The following TNIP3 variants were observed in gnomAD, a reference collection of about 807,000 sequenced individuals.
TNIP3 encodes the protein TNFAIP3 interacting protein 3.
TNIP3 carries 34 observed loss-of-function variants against 54.1 expected under a neutral mutation model. The ratio of observed to expected loss-of-function variants is 0.63; its 90% CI spans 0.48 to 0.84. The LOEUF (loss-of-function observed/expected upper bound fraction) is 0.84. TNIP3 is among the 40% of genes least tolerant of loss of function. The pLI is 0.00. For synonymous variants in TNIP3, 134 were observed against 136.8 expected (o/e 0.98, Z 0.14); for missense variants, 366 against 387.6 (o/e 0.94, Z 0.47).
At position 121,204,608 on chromosome 4, in the gene TNIP3, A is replaced by C. The variant is rs76950261; in HGVS notation, c.68+11807T>G. On this transcript the variant is annotated intron_variant, in intron 2 of 12. Transcript: ENST00000507879. The stretch of plus-strand genomic sequence containing the variant: ...ATCATTTCTCTATGATGGAATAGCA[A>C]GTTGTTTCTAATTACTTTTTCTTCT... Among the ~76,000 whole-genome samples the C allele has an allele frequency of 4.4e-3, 672 of 152,270 alleles. 6 individuals carry two copies. The highest frequency in any genetic ancestry group is 7.8e-3 in the Non-Finnish European group (533 of 68,012).
At chr4:121,155,833 A>G (rs553099161) in intron 4 of TNIP3, among the ~76,000 whole-genome samples, 1 of 152,352 alleles carries the variant, frequency 6.6e-6, no homozygotes, top group South Asian at 2.1e-4. Context: ...ATATTTCCCA[A>G]TATGATTATT....
chr4:121,209,045 G>T (rs1445801670), intron 2 of TNIP3, among the ~76,000 whole-genome samples: 3 of 152,166 alleles, frequency 2.0e-5, no homozygotes, highest in Non-Finnish European at 4.4e-5. Flanking sequence ...TGTCTACTGG[G>T]TTCTGTATGG....
intron 2 of TNIP3, among the ~76,000 whole-genome samples, chr4:121,195,553 C>T (rs1288189876): frequency 6.6e-6 from 1 of 152,130 alleles, no homozygotes; most frequent in Non-Finnish European, 1.5e-5. Context: ...CAATCGAATT[C>T]AGATGGGAAT....
At chr4:121,202,300 AC>A (rs1725936220) in intron 2 of TNIP3, among the ~76,000 whole-genome samples, 1 of 152,152 alleles carries the variant, frequency 6.6e-6, no homozygotes, top group Non-Finnish European at 1.5e-5. Flanking sequence ...GCAAACAAAA[AC>A]ATAAAGTGGG....
chr4:121,159,434 T>C (rs570117061), intron 2 of TNIP3, among the ~76,000 whole-genome samples: 1 of 152,364 alleles, frequency 6.6e-6, no homozygotes, highest in African/African-American at 2.4e-5. Context: ...GTCTGTAAGA[T>C]TTCTTAATGC....
At chr4:121,200,177 C>T (rs1320281478) in intron 2 of TNIP3, among the ~76,000 whole-genome samples, 2 of 152,122 alleles carry the variant, frequency 1.3e-5, no homozygotes, top group East Asian at 3.9e-4. Context: ...GGAGCTTCCT[C>T]TTGCCTTGGT....
chr4:121,215,219 A>G (rs1299829472), intron 2 of TNIP3, among the ~76,000 whole-genome samples: 1 of 152,156 alleles, frequency 6.6e-6, no homozygotes, highest in Non-Finnish European at 1.5e-5. Flanking sequence ...GAAAGTACAG[A>G]TGGGCCTCTT....
intron 2 of TNIP3, among the ~76,000 whole-genome samples, chr4:121,203,073 T>C (rs1163310777): frequency 1.3e-5 from 2 of 152,128 alleles, no homozygotes; most frequent in African/African-American, 4.8e-5. Context: ...ATCCTACTAA[T>C]GGATATCTAC....
intron 1 of TNIP3, among the ~76,000 whole-genome samples, chr4:121,225,197 T>C (rs991491378): frequency 6.6e-5 from 10 of 152,220 alleles, no homozygotes; most frequent in Non-Finnish European, 1.2e-4. Context: ...CAATGATCCA[T>C]TAACTATGTA....
chr4:121,138,059 T>G (rs558120435), intron 10 of TNIP3: 1 of 446,340 alleles, frequency 2.2e-6, no homozygotes, highest in East Asian at 7.0e-5. Flanking sequence ...AAAATAAGAT[T>G]TAAAAAAGTA....
chr4:121,187,763 A>T (rs1479823405), intron 2 of TNIP3, among the ~76,000 whole-genome samples: 1 of 152,194 alleles, frequency 6.6e-6, no homozygotes, highest in East Asian at 1.9e-4. Context: ...ATGGGATTCA[A>T]TCAAATTAAA....
upstream of TNIP3, among the ~76,000 whole-genome samples, chr4:121,166,312 G>A (rs553482362): frequency 1.8e-4 from 28 of 152,314 alleles, no homozygotes; most frequent in South Asian, 5.8e-3. Flanking sequence ...CTCTTCTGAA[G>A]AGCCACAAGT....
At chr4:121,133,904 G>C (rs1728625611) in intron 10 of TNIP3, among the ~76,000 whole-genome samples, 1 of 151,976 alleles carries the variant, frequency 6.6e-6, no homozygotes, top group Non-Finnish European at 1.5e-5. Context: ...GCTACTAGAT[G>C]CTGAAAGAGG....
intron 3 of TNIP3, among the ~76,000 whole-genome samples, chr4:121,177,874 A>G (rs1286661340): frequency 6.6e-6 from 1 of 152,238 alleles, no homozygotes; most frequent in Non-Finnish European, 1.5e-5. Flanking sequence ...TACTCAAAGA[A>G]TCAAATATTT....
chr4:121,227,022 GT>G (rs1293340630), intron 1 of TNIP3, among the ~76,000 whole-genome samples: 1 of 152,090 alleles, frequency 6.6e-6, no homozygotes, highest in Admixed American at 6.5e-5. Context: ...CTTACATTTA[GT>G]TATTATTTAT....
chr4:121,156,147 A>G (rs1730071488), intron 4 of TNIP3, among the ~76,000 whole-genome samples: 1 of 152,236 alleles, frequency 6.6e-6, no homozygotes, highest in Non-Finnish European at 1.5e-5. Context: ...TCAGCAAGAT[A>G]GGAAAACCTG....
At chr4:121,140,995 T>A (rs564049095) in intron 9 of TNIP3, among the ~76,000 whole-genome samples, 21 of 152,316 alleles carry the variant, frequency 1.4e-4, no homozygotes, top group African/African-American at 5.1e-4. Flanking sequence ...GCCAAGAGAA[T>A]CATGTTCTCT....
chr4:121,193,988 A>C (rs1055608671), intron 2 of TNIP3, among the ~76,000 whole-genome samples: 4 of 152,194 alleles, frequency 2.6e-5, no homozygotes, highest in Non-Finnish European at 4.4e-5. Context: ...TTGTAAGAGA[A>C]TAAAATTTAT....
rs1419191413 is a variant in TNIP3 at position 121,154,624 on chromosome 4, A to C, written c.419T>G (p.Leu140Arg). The C allele has an allele frequency of 3.1e-6, 5 of 1,613,252 alleles. No homozygotes were observed. Among genetic ancestry groups the C allele is most frequent in the Non-Finnish European group, 4.2e-6 (5 of 1,179,874 alleles). The change falls in exon 5 of 11, where the codon CTT becomes CGT. Residue 140 changes from leucine to arginine, a missense_variant. Leu to Arg is a moderately radical substitution (Grantham distance 102, BLOSUM62 -2). Transcript: ENST00000057513. ...ELHELKEENK[L>R]LKGKNTLANK... ...CGCAAGAGTATTTTTTCCCTTTAAA[A>C]GTTTATTCTCTTCTTTCAATTCATG... is the stretch of plus-strand genomic sequence containing the variant.
Sources: allele counts gnomAD v4.1 joint callset (sites outside exome capture counted in the v4.1 genomes callset), GRCh38; gene constraint gnomAD v4.1.1; transcripts MANE v1.5; gene names NCBI Gene and HGNC (gene_info 2026-07-23, HGNC 2026-07-21).